The following USP15 variants were observed in gnomAD, a reference collection of about 807,000 sequenced individuals.
USP15 encodes ubiquitin carboxyl-terminal hydrolase 15.
Under a neutral mutation model 127.1 loss-of-function variants are expected in USP15, and 18 were observed. That is an observed-to-expected ratio of 0.14 (90% CI 0.10 to 0.21). The LOEUF (loss-of-function observed/expected upper bound fraction) is 0.21, where lower values mean the gene tolerates loss of function less well. Ranked by LOEUF, USP15 falls within the 10% of genes least tolerant of loss-of-function variation. The pLI is 1.00. For synonymous variants in USP15, 364 were observed against 393.7 expected, an observed-to-expected ratio of 0.92 and a Z score of 0.89; for missense variants, 805 against 1,159.9, an observed-to-expected ratio of 0.69 and a Z score of 4.44.
chr12:62,364,752 C>G (rs972783006), intron 8 of USP15, among the ~76,000 whole-genome samples: 1 of 151,958 alleles, frequency 6.6e-6, no homozygotes, highest in African/African-American at 2.4e-5. Flanking sequence ...TGATGTCCCC[C>G]TCCCTGTGTC....
intron 6 of USP15, among the ~76,000 whole-genome samples, chr12:62,343,815 C>T (rs2137394430): frequency 6.6e-6 from 1 of 152,304 alleles, no homozygotes; most frequent in African/African-American, 2.4e-5. Context: ...CTGGGAACCT[C>T]AGACCAGAGC....
chr12:62,356,884 T>C (rs1420657437), intron 8 of USP15, among the ~76,000 whole-genome samples: 1 of 152,078 alleles, frequency 6.6e-6, no homozygotes, highest in Non-Finnish European at 1.5e-5. Flanking sequence ...AGACAAATTA[T>C]AATATCTGTT....
At chr12:62,305,938 TCTCA>T (rs1395560799) in intron 3 of USP15, 1 of 152,184 alleles carries the variant, frequency 6.6e-6, no homozygotes, top group Admixed American at 6.6e-5. Context: ...CTTTCTCATT[TCTCA>T]CTCGGGGAAT....
chr12:62,276,618 C>G (rs773727242), intron 1 of USP15, among the ~76,000 whole-genome samples: 1 of 151,882 alleles, frequency 6.6e-6, no homozygotes, highest in African/African-American at 2.4e-5. Context: ...TCACTGGTTG[C>G]TCTAGTTACC....
At chr12:62,294,523 G>T in intron 2 of USP15, 1 of 394,142 alleles carries the variant, frequency 2.5e-6, no homozygotes, top group Non-Finnish European at 4.3e-6. Flanking sequence ...GATGTAATAA[G>T]GTTTTATTGT....
At position 62,413,996 on chromosome 12, in the gene USP15, G is replaced by C. The variant is rs2068096284; in HGVS notation, c.*9621G>C. On this transcript the variant is annotated 3_prime_UTR_variant, in exon 22 of 22. Coordinates refer to ENST00000280377, the MANE Select transcript of USP15 (RefSeq NM_001252078.2). Reference sequence around the variant, plus strand: ...GTTATTAACTGGCCTGGTTTTAATAGTGTTATGTCTCAGGGAATAGGGAGG... The same window carrying C: ...GTTATTAACTGGCCTGGTTTTAATACTGTTATGTCTCAGGGAATAGGGAGG... The C allele has an allele frequency of 6.6e-6, 1 of 152,198 alleles. No individual in the cohort carries two copies. The highest frequency in any genetic ancestry group is 1.5e-5 in the Non-Finnish European group (1 of 68,038). The allele number at this position is 152,198 out of a possible 1,614,324, so 9.4% of individuals were successfully genotyped here. A position where few individuals can be genotyped will look rare whatever the true frequency, so the allele number is the denominator to read the frequency against.
intron 3 of USP15, among the ~76,000 whole-genome samples, chr12:62,306,213 G>C (rs191608667): frequency 6.6e-6 from 1 of 152,146 alleles, no homozygotes; most frequent in Non-Finnish European, 1.5e-5. Flanking sequence ...AACATTGTGA[G>C]ATAATGTTTG....
At chr12:62,379,744 G>T (rs2066932695) in intron 8 of USP15, among the ~76,000 whole-genome samples, 1 of 152,040 alleles carries the variant, frequency 6.6e-6, no homozygotes, top group Non-Finnish European at 1.5e-5. Context: ...CCTGTCCTTT[G>T]TCTGACTATT....
intron 1 of USP15, among the ~76,000 whole-genome samples, chr12:62,283,448 G>T (rs2063706111): frequency 6.6e-6 from 1 of 152,164 alleles, no homozygotes; most frequent in African/African-American, 2.4e-5. Flanking sequence ...AATGTTTGCT[G>T]TCTCTTCACC....
intron 6 of USP15, among the ~76,000 whole-genome samples, chr12:62,348,306 A>G (rs1031277907): frequency 1.3e-5 from 2 of 152,250 alleles, no homozygotes; most frequent in African/African-American, 2.4e-5. Context: ...TTGTAGATAT[A>G]TATATTTAGA....
chr12:62,362,049 C>T lies in USP15; in HGVS notation c.915+6574C>T, dbSNP rs1215334294. ...TATATTGTTTTTCACTTAATTTTCT[C>T]TTCACAGAGGTCTGTGAGTTAGGGC... is the stretch of plus-strand genomic sequence containing the variant. On this transcript the variant is annotated intron_variant, in intron 8 of 21. Transcript: ENST00000280377. Among the ~76,000 whole-genome samples, 3 of 152,024 alleles carry T rather than the reference C, an allele frequency of 2.0e-5. No homozygotes were observed. In the East Asian group the frequency reaches 5.8e-4, roughly 29 times the overall value.
At chr12:62,262,670 T>G (rs1220267446) in intron 1 of USP15, among the ~76,000 whole-genome samples, 1 of 152,162 alleles carries the variant, frequency 6.6e-6, no homozygotes, top group South Asian at 2.1e-4. Flanking sequence ...TGCGTGTGTG[T>G]GTGCGTGTAT....
intron 11 of USP15, among the ~76,000 whole-genome samples, chr12:62,384,878 T>C (rs999541601): frequency 6.6e-6 from 1 of 151,900 alleles, no homozygotes; most frequent in Non-Finnish European, 1.5e-5. Flanking sequence ...ACTGTCAAAT[T>C]GTCTGCCTGA....
At chr12:62,347,400 G>A (rs901773528) in intron 6 of USP15, among the ~76,000 whole-genome samples, 13 of 144,100 alleles carry the variant, frequency 9.0e-5, no homozygotes, top group Non-Finnish European at 1.7e-4. Context: ...ATATGTCTCA[G>A]TCACTTTATT....
At chr12:62,285,414 A>C (rs2063759805) in intron 1 of USP15, among the ~76,000 whole-genome samples, 1 of 152,168 alleles carries the variant, frequency 6.6e-6, no homozygotes, top group South Asian at 2.1e-4. Context: ...TGCTGCAAAA[A>C]ACATGGCTTC....
At chr12:62,386,567 A>G (rs1483859299) in intron 11 of USP15, among the ~76,000 whole-genome samples, 1 of 152,050 alleles carries the variant, frequency 6.6e-6, no homozygotes, top group African/African-American at 2.4e-5. Context: ...GGTGAAAACT[A>G]GAAATAAAAG....
At chr12:62,269,356 A>G (rs7976833) in intron 1 of USP15, among the ~76,000 whole-genome samples, 40,078 of 150,220 alleles carry the variant, frequency 0.27, 6,575 homozygotes, top group East Asian at 0.44. Context: ...AAATATATAT[A>G]TGTGTGTGTG....
intron 9 of USP15, among the ~76,000 whole-genome samples, chr12:62,382,199 CAT>C (rs1323812756): frequency 2.0e-5 from 3 of 151,918 alleles, no homozygotes; most frequent in Admixed American, 1.3e-4. Context: ...AGGTTATTCA[CAT>C]GTGTGAATTG....
intron 3 of USP15, among the ~76,000 whole-genome samples, chr12:62,312,085 C>T (rs1277937694): frequency 1.3e-5 from 2 of 151,546 alleles, no homozygotes; most frequent in African/African-American, 4.8e-5. Flanking sequence ...CTGTCTTCAC[C>T]GTTATCTGTT....
Sources: gnomAD v4.1 joint callset for allele counts (sites outside exome capture counted in the v4.1 genomes callset) on GRCh38, gnomAD v4.1.1 for gene constraint, MANE v1.5 for transcripts, NCBI Gene and HGNC (gene_info 2026-07-23, HGNC 2026-07-21) for gene names.